The following TOP1 variants were observed in gnomAD, a reference collection of about 807,000 sequenced individuals.
TOP1 encodes the protein DNA topoisomerase I.
Under a neutral mutation model 111.1 loss-of-function variants are expected in TOP1, and 10 were observed. The observed-to-expected ratio is 0.09, with a 90% CI of 0.06 to 0.15. TOP1 has a LOEUF of 0.15. Among genes scored for constraint, TOP1 ranks in the 10% least tolerant of loss-of-function variants. The pLI, the probability that TOP1 is intolerant of heterozygous loss-of-function variation, is 1.00. For missense variants in TOP1, 474 were observed against 926.7 expected (o/e 0.51, Z 6.34); for synonymous variants, 271 against 302.9 (o/e 0.89, Z 1.10).
In TOP1 at chr20:41,079,912, A is replaced by G. The variant is rs1208911276; in HGVS notation, c.336-173A>G. ...CACCTGTACAATGAGGACAAATACT[A>G]TCTACTTCACAGGATTGAAGTGAGA... On this transcript the variant is annotated intron_variant, in intron 5 of 20. Transcript: ENST00000361337. This position sits in a 1 kb window ranked among gnomAD's most constrained non-coding sequence, Gnocchi z 4.0. Among the ~76,000 whole-genome samples the G allele has an allele frequency of 1.3e-5, 2 of 152,250 alleles. No individual in the cohort carries two copies. Among genetic ancestry groups the G allele is most frequent in the Non-Finnish European group, 2.9e-5 (2 of 68,040 alleles).
At chr20:41,089,976 GT>G (rs951843129) in intron 8 of TOP1, among the ~76,000 whole-genome samples, 14 of 150,784 alleles carry the variant, frequency 9.3e-5, no homozygotes, top group African/African-American at 2.0e-4. Flanking sequence ...ACCCCCACGT[GT>G]TTTTTTTTGT....
rs934343000 is a variant in TOP1 at position 41,069,916 on chromosome 20, G to A, written c.156-6255G>A. ...GAAAGAAAAACATAAGCAAAACATA[G>A]AGGCATTGTAGTATATGCTTTGTTC... On this transcript the variant is annotated intron_variant, in intron 3 of 20. Transcript: ENST00000361337. The surrounding 1 kb of genome is among the most constrained non-coding windows in gnomAD (Gnocchi z 4.1). Among the ~76,000 whole-genome samples the A allele has an allele frequency of 6.6e-6, 1 of 152,142 alleles. No homozygotes were observed. Among genetic ancestry groups the A allele is most frequent in the African/African-American group, 2.4e-5 (1 of 41,426 alleles).
In TOP1 at chr20:41,115,391, A is replaced by G. The variant is rs544110178; in HGVS notation, c.1659A>G (p.Leu553=). The stretch of plus-strand genomic sequence containing the variant: ...TTTAGGTTTTTAAGAACCTACAACT[A>G]TTTATGGAGAACAAGCAGCCCGAGG... ...VEKRVFKNLQ[L]FMENKQPEDD... is the part of the protein sequence containing the mutation. Residue 553 remains leucine (L), a synonymous_variant, in exon 16 of 21, where the codon CTA becomes CTG. Transcript: ENST00000361337. The surrounding 1 kb of genome is among the most constrained non-coding windows in gnomAD (Gnocchi z 6.3). 5.6e-6 allele frequency: 9 copies of G among 1,612,432 alleles called. No homozygotes were observed. In the South Asian group the frequency reaches 7.7e-5, roughly 14 times the overall value.
At chr20:41,084,910 C>T (rs1453798011) in intron 8 of TOP1, among the ~76,000 whole-genome samples, 1 of 151,932 alleles carries the variant, frequency 6.6e-6, no homozygotes, top group Non-Finnish European at 1.5e-5. Flanking sequence ...GGGAAAACTG[C>T]CTGTTCAACA....
chr20:41,104,713 A>G (rs975746706), intron 13 of TOP1, among the ~76,000 whole-genome samples: 6 of 152,176 alleles, frequency 3.9e-5, no homozygotes, highest in African/African-American at 1.2e-4. Context: ...TGGGATCCCA[A>G]TAGGAGTCAT....
rs2033929403 is a variant in TOP1, at chr20:41,092,257, C to T, written c.615-215C>T. 2.0e-5 allele frequency among the ~76,000 whole-genome samples: 3 copies of T among 152,226 alleles called. No individual in the cohort carries two copies. The highest frequency in any genetic ancestry group is 4.8e-5 in the African/African-American group (2 of 41,458). ...AAACTGAGCTGTTGAAATGTATTTT[C>T]CTTTATTCACCACAGTATTTCATCT... On this transcript the variant is annotated intron_variant, in intron 8 of 20. Transcript: ENST00000361337. The surrounding 1 kb of genome is among the most constrained non-coding windows in gnomAD (Gnocchi z 4.3).
In TOP1 at chr20:41,118,926, C is replaced by T. The variant is rs997365829; in HGVS notation, c.1950+630C>T. ...CTCCGCCTGGTACTGAGCTTTTAAA[C>T]CATAAGGCACTTAACATTTGATGAT... On this transcript the variant is annotated intron_variant, in intron 18 of 20. Transcript: ENST00000361337. This position sits in a 1 kb window ranked among gnomAD's most constrained non-coding sequence, Gnocchi z 4.6. Among the ~76,000 whole-genome samples, 2 of 152,166 alleles carry T rather than the reference C, an allele frequency of 1.3e-5. No homozygotes were observed. The highest frequency in any genetic ancestry group is 2.9e-5 in the Non-Finnish European group (2 of 68,044).
rs2034215495 is a variant in TOP1, at chr20:41,110,319, G to T, written c.1309-2463G>T. ...AAAAAAGTTAAAAAGGCAGACAGAG[G>T]AGTCTATATTGTATGATTCTATTTA... On this transcript the variant is annotated intron_variant, in intron 13 of 20. Transcript: ENST00000361337. This position sits in a 1 kb window ranked among gnomAD's most constrained non-coding sequence, Gnocchi z 4.2. Among the ~76,000 whole-genome samples, 1 of 152,056 alleles carries T rather than the reference G, an allele frequency of 6.6e-6. No individual in the cohort carries two copies. The highest frequency in any genetic ancestry group is 2.4e-5 in the African/African-American group (1 of 41,394).
intron 14 of TOP1, 79 bp downstream of exon 14, chr20:41,113,004 C>T: frequency 6.9e-7 from 1 of 1,446,088 alleles, no homozygotes; most frequent in Non-Finnish European, 9.4e-7. Context: ...GGCCCTGTGC[C>T]ACATACTGTA....
rs1454878033 is a variant in TOP1 at position 41,071,511 on chromosome 20, A to G, written c.156-4660A>G. Reference sequence around the variant, plus strand: ...AGGCATGTGCCACCACGCCCAGCTAATTTTTGTATTTTTAGTAGAAATGGG... The same window carrying G: ...AGGCATGTGCCACCACGCCCAGCTAGTTTTTGTATTTTTAGTAGAAATGGG... On this transcript the variant is annotated intron_variant, in intron 3 of 20. Coordinates refer to ENST00000361337, the MANE Select transcript of TOP1 (RefSeq NM_003286.4). This position sits in a 1 kb window ranked among gnomAD's most constrained non-coding sequence, Gnocchi z 4.3. Among the ~76,000 whole-genome samples, 2 of 150,228 alleles carry G rather than the reference A, an allele frequency of 1.3e-5. No homozygotes were observed. Among genetic ancestry groups the G allele is most frequent in the Non-Finnish European group, 3.0e-5 (2 of 67,542 alleles).
At chr20:41,111,242 G>A (rs1319147611) in intron 13 of TOP1, among the ~76,000 whole-genome samples, 1 of 152,214 alleles carries the variant, frequency 6.6e-6, no homozygotes, top group African/African-American at 2.4e-5. Context: ...GCATGTGTAA[G>A]AACAGTTGTC....
chr20:41,080,631 C>T lies in TOP1; in HGVS notation c.431+451C>T, dbSNP rs1402080819. The stretch of plus-strand genomic sequence containing the variant: ...TTACATGTATCTCTTTCCCCAGATT[C>T]AATGAGATTAAATTATATTCATTAT... On this transcript the variant is annotated intron_variant, in intron 6 of 20. Coordinates refer to ENST00000361337, the MANE Select transcript of TOP1 (RefSeq NM_003286.4). The surrounding 1 kb of genome is among the most constrained non-coding windows in gnomAD (Gnocchi z 5.0). Among the ~76,000 whole-genome samples, 1 of 152,092 alleles carries T rather than the reference C, an allele frequency of 6.6e-6. No individual in the cohort carries two copies. Among genetic ancestry groups the T allele is most frequent in the Admixed American group, 6.5e-5 (1 of 15,284 alleles).
chr20:41,090,523 GAC>G (rs979912626), intron 8 of TOP1, among the ~76,000 whole-genome samples: 4 of 152,010 alleles, frequency 2.6e-5, no homozygotes, highest in Non-Finnish European at 5.9e-5. Flanking sequence ...TATTTATTGA[GAC>G]AGAGTGTCTC....
rs755635683 is a variant in TOP1 at position 41,094,987 on chromosome 20, G to A, written c.731-2233G>A. Reference sequence around the variant, plus strand: ...ATCTAAAATAGGAGGAGTCACAGTTGCTTCTCCCTCTATTAGGACAGAATT... The same window carrying A: ...ATCTAAAATAGGAGGAGTCACAGTTACTTCTCCCTCTATTAGGACAGAATT... On this transcript the variant is annotated intron_variant, in intron 9 of 20. Transcript: ENST00000361337. This position sits in a 1 kb window ranked among gnomAD's most constrained non-coding sequence, Gnocchi z 4.4. Among the ~76,000 whole-genome samples, 1 of 152,130 alleles carries A rather than the reference G, an allele frequency of 6.6e-6. No individual in the cohort carries two copies. The highest frequency in any genetic ancestry group is 2.4e-5 in the African/African-American group (1 of 41,426).
intron 3 of TOP1, among the ~76,000 whole-genome samples, chr20:41,070,814 CAG>C (rs1233856163): frequency 1.1e-4 from 16 of 152,208 alleles, no homozygotes; most frequent in Non-Finnish European, 2.4e-4. Context: ...TGGGAAGTAA[CAG>C]AGTAGTCAAG....
rs955714152 is a variant in TOP1, at chr20:41,122,635, G to A, written c.2195+480G>A. ...AAGCAGATAAATACTAGGTTTCTCTGTGTGTCACACACAGTGTCACATAAC... is the reference window on the plus strand; with the variant it reads ...AAGCAGATAAATACTAGGTTTCTCTATGTGTCACACACAGTGTCACATAAC... On this transcript the variant is annotated intron_variant, in intron 20 of 20. Transcript: ENST00000361337. This position sits in a 1 kb window ranked among gnomAD's most constrained non-coding sequence, Gnocchi z 5.4. Among the ~76,000 whole-genome samples the A allele has an allele frequency of 2.0e-5, 3 of 152,260 alleles. No homozygotes were observed. The highest frequency in any genetic ancestry group is 4.8e-5 in the African/African-American group (2 of 41,478).
chr20:41,115,025 G>A lies in TOP1; in HGVS notation c.1639-346G>A, dbSNP rs191497500. Among the ~76,000 whole-genome samples the A allele has an allele frequency of 1.3e-5, 2 of 152,174 alleles. No individual in the cohort carries two copies. Among genetic ancestry groups the A allele is most frequent in the Admixed American group, 1.3e-4 (2 of 15,278 alleles). Reference sequence around the variant, plus strand: ...ATTTTTAGAACATACACACTGAAATGTTTAGGACCATATTATAAGTAAGTA... The same window carrying A: ...ATTTTTAGAACATACACACTGAAATATTTAGGACCATATTATAAGTAAGTA... On this transcript the variant is annotated intron_variant, in intron 15 of 20. Transcript: ENST00000361337. This position sits in a 1 kb window ranked among gnomAD's most constrained non-coding sequence, Gnocchi z 6.3.
Position 41,118,811 on chromosome 20 carries a change from C to T in TOP1, c.1950+515C>T, listed in dbSNP as rs938208685. ...CATCAAACATCTGTTGAATACTGGC[C>T]GTGTGCCAGACAACTTGCTGCCCTA... On this transcript the variant is annotated intron_variant, in intron 18 of 20. Transcript: ENST00000361337. The surrounding 1 kb of genome is among the most constrained non-coding windows in gnomAD (Gnocchi z 4.6). Among the ~76,000 whole-genome samples, 3 of 152,180 alleles carry T rather than the reference C, an allele frequency of 2.0e-5. No individual in the cohort carries two copies. The highest frequency in any genetic ancestry group is 4.4e-5 in the Non-Finnish European group (3 of 68,040).
In TOP1 at chr20:41,116,483, T is replaced by G. The variant is rs1050065632; in HGVS notation, c.1822+91T>G. The G allele has an allele frequency of 9.2e-6, 9 of 981,478 alleles. No individual in the cohort carries two copies. Among genetic ancestry groups the G allele is most frequent in the Non-Finnish European group, 1.4e-5 (9 of 636,440 alleles). 60.8% of individuals were successfully genotyped at this position (981,478 alleles called of 1,614,324 possible). ...TAAGGCCTAGAGTCAGTTCTACTTTTTTTCCCTACCATTGTGGTCAGACAC... is the reference window on the plus strand; with the variant it reads ...TAAGGCCTAGAGTCAGTTCTACTTTGTTTCCCTACCATTGTGGTCAGACAC... On this transcript the variant is annotated intron_variant, in intron 17 of 20. Transcript: ENST00000361337. The surrounding 1 kb of genome is among the most constrained non-coding windows in gnomAD (Gnocchi z 5.6).
Sources: gnomAD v4.1 joint callset for allele counts (sites outside exome capture counted in the v4.1 genomes callset) on GRCh38, gnomAD v4.1.1 for gene constraint, Gnocchi (gnomAD v3.1) non-coding constraint, MANE v1.5 for transcripts, NCBI Gene and HGNC (gene_info 2026-07-23, HGNC 2026-07-21) for gene names.